The following NIBAN2 variants were observed in gnomAD, a reference collection of about 807,000 sequenced individuals.
NIBAN2 encodes the protein niban apoptosis regulator 2.
In NIBAN2, 36 loss-of-function variants were observed where a neutral mutation model predicts 81.8. The ratio of observed to expected loss-of-function variants is 0.44; its 90% CI spans 0.34 to 0.58. The LOEUF is 0.58. Among genes scored for constraint, NIBAN2 ranks in the 20% least tolerant of loss-of-function variants. The probability of loss-of-function intolerance (pLI) is 0.02; values close to 1 mark genes in which losing one functional copy is unlikely to be tolerated. For missense variants in NIBAN2, 897 were observed against 1,014.1 expected (o/e 0.88, Z 1.57); for synonymous variants, 445 against 441.6 (o/e 1.01, Z -0.10).
At chr9:127,528,721 C>G (rs938402855) in intron 2 of NIBAN2, among the ~76,000 whole-genome samples, 1 of 152,234 alleles carries the variant, frequency 6.6e-6, no homozygotes, top group Non-Finnish European at 1.5e-5. Flanking sequence ...TGGGCTTTGC[C>G]CAAGTCACAG....
intron 1 of NIBAN2, 50 bp from the exon 2 acceptor site, chr9:127,531,828 C>A (rs1837190009): frequency 1.2e-6 from 2 of 1,608,172 alleles, no homozygotes; most frequent in East Asian, 4.5e-5. Context: ...GATGCTGATG[C>A]ATCACGATCC....
intron 5 of NIBAN2, among the ~76,000 whole-genome samples, chr9:127,523,184 AAAAAAAAAATATATATATAT>A (rs1836978612): frequency 2.8e-5 from 1 of 35,832 alleles, no homozygotes; most frequent in African/African-American, 1.3e-4. Flanking sequence ...AAAAAAAAAA[AAAAAAAAAATATATATATAT>A]ATATATATAT....
In NIBAN2 at chr9:127,506,106, C is replaced by T. The variant is rs949776843; in HGVS notation, c.*739G>A. Reference sequence around the variant, plus strand: ...AAGGGGATACACAGGCCCATAAAACCTCAGGCTCCCCATAACCCTCACTCA... The same window carrying T: ...AAGGGGATACACAGGCCCATAAAACTTCAGGCTCCCCATAACCCTCACTCA... On this transcript the variant is annotated 3_prime_UTR_variant, in exon 14 of 14. Transcript: ENST00000373312. 1 of 151,530 alleles carries T rather than the reference C, an allele frequency of 6.6e-6. No homozygotes were observed. The highest frequency in any genetic ancestry group is 2.4e-5 in the African/African-American group (1 of 41,088). 9.4% of individuals were successfully genotyped at this position (151,530 alleles called of 1,614,324 possible).
At chr9:127,565,782 CAAAAAAAA>C (rs34713108) in intron 1 of NIBAN2, among the ~76,000 whole-genome samples, 16 of 70,856 alleles carry the variant, frequency 2.3e-4, no homozygotes, top group Non-Finnish European at 4.0e-4. Context: ...GACTCTGTCT[CAAAAAAAA>C]AAAAAAAAAA....
At chr9:127,534,539 C>T (rs1489685104) in intron 1 of NIBAN2, among the ~76,000 whole-genome samples, 1 of 152,142 alleles carries the variant, frequency 6.6e-6, no homozygotes, top group Non-Finnish European at 1.5e-5. Context: ...CCTCACAGCT[C>T]ATAACCAGGG....
upstream of NIBAN2, among the ~76,000 whole-genome samples, chr9:127,569,652 C>A (rs1184852031): frequency 6.6e-6 from 1 of 152,238 alleles, no homozygotes; most frequent in Non-Finnish European, 1.5e-5. Flanking sequence ...CGCCACTGCC[C>A]GCGCTCAGGA....
At position 127,552,694 on chromosome 9, in the gene NIBAN2, T is replaced by G. The variant is rs183837562; in HGVS notation, c.55+16126A>C. ...CGTAATGGAATATTCGTTTTTTTTT[T>G]TTTTTTTTTTTTGAGACAGAGTCTT... On this transcript the variant is annotated intron_variant, in intron 1 of 13. Transcript: ENST00000373312. Among the ~76,000 whole-genome samples the G allele has an allele frequency of 6.3e-3, 889 of 141,732 alleles. 7 individuals carry two copies. Among genetic ancestry groups the G allele is most frequent in the African/African-American group, 0.016 (620 of 37,936 alleles). 93.0% of individuals were successfully genotyped at this position (141,732 alleles called of 152,430 possible).
In NIBAN2 at chr9:127,563,380, A is replaced by G. The variant is rs1453698421; in HGVS notation, c.55+5440T>C. ...TAAGGGCAGCGGCCCAGGCCCAGGC[A>G]CTGCTTCCGGCCAGCCTGGTCTCTC... On this transcript the variant is annotated intron_variant, in intron 1 of 13. Transcript: ENST00000373312. This position sits in a 1 kb window ranked among gnomAD's most constrained non-coding sequence, Gnocchi z 4.1. Among the ~76,000 whole-genome samples the G allele has an allele frequency of 6.6e-6, 1 of 152,268 alleles. No individual in the cohort carries two copies. The highest frequency in any genetic ancestry group is 6.5e-5 in the Admixed American group (1 of 15,292).
At chr9:127,549,418 C>A (rs149694925) in intron 1 of NIBAN2, among the ~76,000 whole-genome samples, 1 of 152,120 alleles carries the variant, frequency 6.6e-6, no homozygotes, top group African/African-American at 2.4e-5. Flanking sequence ...CACGCCCACA[C>A]GCATGCACTC....
At position 127,559,043 on chromosome 9, in the gene NIBAN2, G is replaced by A. The variant is rs896133392; in HGVS notation, c.55+9777C>T. The stretch of plus-strand genomic sequence containing the variant: ...GCATACTGCCACCAGGTCAAAGCCA[G>A]ACACGCTGCCTCTTGAGATGGGCCG... On this transcript the variant is annotated intron_variant, in intron 1 of 13. Coordinates refer to ENST00000373312, the MANE Select transcript of NIBAN2 (RefSeq NM_022833.4). The surrounding 1 kb of genome is among the most constrained non-coding windows in gnomAD (Gnocchi z 4.0). Among the ~76,000 whole-genome samples the A allele has an allele frequency of 6.6e-6, 1 of 152,204 alleles. No individual in the cohort carries two copies. Among genetic ancestry groups the A allele is most frequent in the Non-Finnish European group, 1.5e-5 (1 of 68,024 alleles).
At chr9:127,571,247 C>T (rs1376968831), upstream of NIBAN2, among the ~76,000 whole-genome samples, 1 of 151,888 alleles carries the variant, frequency 6.6e-6, no homozygotes, top group East Asian at 1.9e-4. Context: ...CCTCCCTGGC[C>T]CAGGGACGGG....
At chr9:127,560,205 G>A (rs1364610814) in intron 1 of NIBAN2, among the ~76,000 whole-genome samples, 1 of 152,156 alleles carries the variant, frequency 6.6e-6, no homozygotes, top group Non-Finnish European at 1.5e-5. Context: ...GGTCTGCCTT[G>A]ATAAAACAAC....
chr9:127,565,782 CAAAAA>C (rs34713108), intron 1 of NIBAN2, among the ~76,000 whole-genome samples: 1 of 70,856 alleles, frequency 1.4e-5, no homozygotes, highest in Admixed American at 1.6e-4. Flanking sequence ...GACTCTGTCT[CAAAAA>C]AAAAAAAAAA....
At chr9:127,542,616 T>C (rs942021958) in intron 1 of NIBAN2, among the ~76,000 whole-genome samples, 3 of 152,140 alleles carry the variant, frequency 2.0e-5, no homozygotes, top group Non-Finnish European at 4.4e-5. Context: ...AAATGTACAC[T>C]GTGCTGTCCT....
intron 1 of NIBAN2, among the ~76,000 whole-genome samples, chr9:127,558,010 G>A (rs969281333): frequency 1.3e-5 from 2 of 151,876 alleles, no homozygotes; most frequent in East Asian, 3.9e-4. Context: ...AGAGTCCTAG[G>A]GGGTCAGCCC....
chr9:127,577,074 G>A (rs970077314), intron 1 of NIBAN2, among the ~76,000 whole-genome samples: 7 of 151,822 alleles, frequency 4.6e-5, no homozygotes, highest in Non-Finnish European at 8.8e-5. Context: ...TTCAGAGGCC[G>A]AGGTGGGCGG....
intron 1 of NIBAN2, among the ~76,000 whole-genome samples, chr9:127,574,664 G>T (rs1400253686): frequency 1.3e-5 from 2 of 151,776 alleles, no homozygotes; most frequent in Non-Finnish European, 2.9e-5. Flanking sequence ...AATAGACCAG[G>T]AGAAAAAAAA....
In NIBAN2 at chr9:127,506,992, G is replaced by C; in HGVS notation, c.2094C>G (p.Leu698=). 1.9e-6 allele frequency: 3 copies of C among 1,599,352 alleles called. No individual in the cohort carries two copies. Among genetic ancestry groups the C allele is most frequent in the Middle Eastern group, 1.7e-4 (1 of 5,812 alleles). ...CAGCCTTTCCAGGCAGGAGATGCTG[G>C]AGGGGTGAGGCAGGCGGCGAGGAGG... ...PEASSPPASP[L]QHLLPGKAVD... Residue 698 remains leucine, a synonymous_variant, in exon 14 of 14, where the codon CTC becomes CTG. Transcript: ENST00000373312.
intron 1 of NIBAN2, among the ~76,000 whole-genome samples, chr9:127,533,930 G>T (rs1837228019): frequency 2.6e-5 from 4 of 152,248 alleles, no homozygotes; most frequent in Admixed American, 1.3e-4. Flanking sequence ...CTTCTGCGCG[G>T]TTTCTGAATA....
Sources: gnomAD v4.1 joint callset for allele counts (sites outside exome capture counted in the v4.1 genomes callset) on GRCh38, gnomAD v4.1.1 for gene constraint, Gnocchi (gnomAD v3.1) non-coding constraint, MANE v1.5 for transcripts, NCBI Gene and HGNC (gene_info 2026-07-23, HGNC 2026-07-21) for gene names.